Variants in LMF1 observed in about 807,000 individuals in gnomAD.
The protein encoded by LMF1 is transmembrane protein 112.
A neutral mutation model predicts 60.6 loss-of-function variants in LMF1; 68 were observed. The observed-to-expected ratio is 1.12, with a 90% CI of 0.92 to 1.37. The LOEUF (loss-of-function observed/expected upper bound fraction) is 1.37, where lower values mean the gene tolerates loss of function less well. Among genes scored for constraint, LMF1 ranks in the 40% most tolerant of loss-of-function variants. The pLI is 0.00. For missense variants in LMF1, 948 were observed against 767.2 expected (o/e 1.24, Z -2.78); for synonymous variants, 418 against 324.7 (o/e 1.29, Z -3.09).
rs867564360 is a variant in LMF1 at position 857,646 on chromosome 16, A to T, written c.1530-2940T>A. On this transcript the variant is annotated intron_variant, in intron 10 of 10. Transcript: ENST00000262301. ...TCACGGGACGGGTGTGAGTGGTGTC[A>T]CGGGACGGGTGTGAGTGGTGTCACG... is the stretch of plus-strand genomic sequence containing the variant. Among the ~76,000 whole-genome samples, 12 of 5,830 alleles carry T rather than the reference A, an allele frequency of 2.1e-3. 1 individual carries two copies. The highest frequency in any genetic ancestry group is 5.0e-3 in the Admixed American group (2 of 402). The allele number at this position is 5,830 out of a possible 152,430, so 3.8% of individuals were successfully genotyped here.
upstream of LMF1, among the ~76,000 whole-genome samples, chr16:972,378 A>T (rs1297338394): frequency 6.6e-6 from 1 of 152,198 alleles, no homozygotes; most frequent in African/African-American, 2.4e-5. Flanking sequence ...TGTGTGCCTG[A>T]GGGCTCGGAG....
At chr16:916,146 T>C (rs1254469242) in intron 3 of LMF1, among the ~76,000 whole-genome samples, 2 of 152,174 alleles carry the variant, frequency 1.3e-5, no homozygotes, top group African/African-American at 2.4e-5. Context: ...GTCATTGCAA[T>C]GGCCACTGTA....
intron 4 of LMF1, among the ~76,000 whole-genome samples, chr16:905,919 T>C (rs2070962608): frequency 6.6e-6 from 1 of 152,186 alleles, no homozygotes; most frequent in African/African-American, 2.4e-5. Context: ...ATTTTCTTCT[T>C]TTATGGTTAA....
intron 6 of LMF1, among the ~76,000 whole-genome samples, chr16:879,077 G>C (rs988365471): frequency 1.3e-5 from 2 of 152,118 alleles, no homozygotes; most frequent in African/African-American, 4.8e-5. Context: ...GGCAGGACGG[G>C]GCGTTAGGGG....
At chr16:922,743 G>A (rs12932775) in intron 3 of LMF1, among the ~76,000 whole-genome samples, 2 of 128,214 alleles carry the variant, frequency 1.6e-5, no homozygotes, top group African/African-American at 6.6e-5. Flanking sequence ...GTGATGTGGT[G>A]TTGGCGTCGT....
intron 5 of LMF1, among the ~76,000 whole-genome samples, chr16:888,758 G>A (rs968718786): frequency 1.3e-5 from 2 of 152,208 alleles, no homozygotes; most frequent in Non-Finnish European, 2.9e-5. Flanking sequence ...TAGGTACAGG[G>A]GGCAGTGTGT....
intron 2 of LMF1, among the ~76,000 whole-genome samples, chr16:939,588 GC>G (rs746051877): frequency 2.6e-5 from 4 of 151,504 alleles, no homozygotes; most frequent in Non-Finnish European, 5.9e-5. Flanking sequence ...CCGGCGCCAG[GC>G]CTCGACCCTG....
intron 3 of LMF1, 91 bp downstream of exon 3, chr16:934,153 A>G: frequency 6.3e-7 from 1 of 1,594,510 alleles, no homozygotes; most frequent in Non-Finnish European, 8.5e-7. Context: ...AGGCTAAGGA[A>G]GGGGAGAGGC....
intron 10 of LMF1, among the ~76,000 whole-genome samples, chr16:862,304 C>T (rs2069489433): frequency 6.6e-6 from 1 of 151,936 alleles, no homozygotes; most frequent in Non-Finnish European, 1.5e-5. Context: ...CCACCATGCC[C>T]AGCTAATTTT....
chr16:960,120 T>C (rs554175387), intron 1 of LMF1, among the ~76,000 whole-genome samples: 1 of 152,212 alleles, frequency 6.6e-6, no homozygotes, highest in Admixed American at 6.5e-5. Flanking sequence ...TATGCTCCCC[T>C]AAAAAGAACC....
chr16:926,465 C>T lies in LMF1; in HGVS notation c.514+7779G>A, dbSNP rs367588657. Among the ~76,000 whole-genome samples, 10 of 152,132 alleles carry T rather than the reference C, an allele frequency of 6.6e-5. 1 individual carries two copies. Among genetic ancestry groups the T allele is most frequent in the South Asian group, 6.2e-4 (3 of 4,816 alleles). On this transcript the variant is annotated intron_variant, in intron 3 of 10. Transcript: ENST00000262301. ...CGTGTGTTTGCACAGGATCTGCATA[C>T]GTGTGTCTGTGTGTGCGCATGTGCG...
intron 4 of LMF1, among the ~76,000 whole-genome samples, chr16:910,047 G>A (rs1452480590): frequency 6.6e-6 from 1 of 152,214 alleles, no homozygotes; most frequent in Non-Finnish European, 1.5e-5. Flanking sequence ...AAAACATGAA[G>A]ATTTTATCAT....
rs116052289 is a variant in LMF1 at position 946,835 on chromosome 16, G to A, written c.503+7522C>T. Among the ~76,000 whole-genome samples the A allele has an allele frequency of 9.2e-3, 1,407 of 152,308 alleles. 22 individuals are homozygous for A. Among genetic ancestry groups the A allele is most frequent in the African/African-American group, 0.031 (1,276 of 41,558 alleles). ...AGGGCACCCCCTCCTCAGTGTCCAC[G>A]GTGCCAAGCAGGGGCTCAGCAAGTA... is the stretch of plus-strand genomic sequence containing the variant. On this transcript the variant is annotated intron_variant, in intron 2 of 10. Transcript: ENST00000262301.
intron 4 of LMF1, chr16:900,726 TGTG>T (rs1567208350): frequency 0.14 from 19,871 of 138,644 alleles, 1,664 homozygotes; most frequent in African/African-American, 0.23. Context: ...TGTGTGTGTG[TGTG>T]TGTTTTAGTA....
intron 3 of LMF1, among the ~76,000 whole-genome samples, chr16:923,461 A>T (rs1468003213): frequency 6.6e-6 from 1 of 152,144 alleles, no homozygotes; most frequent in African/African-American, 2.4e-5. Context: ...CTTCCCCACT[A>T]AAGCATCAGG....
At chr16:865,700 T>C (rs769166611) in intron 10 of LMF1, among the ~76,000 whole-genome samples, 1 of 152,204 alleles carries the variant, frequency 6.6e-6, no homozygotes, top group Non-Finnish European at 1.5e-5. Context: ...TTTGGGAAGT[T>C]TTCAGTTCTT....
intron 2 of LMF1, among the ~76,000 whole-genome samples, chr16:952,821 C>T (rs370179240): frequency 1.9e-4 from 24 of 127,888 alleles, no homozygotes; most frequent in East Asian, 7.1e-4. Context: ...AGACACCCAC[C>T]CCAAACCAGC....
Position 871,179 on chromosome 16 carries a change from G to C in LMF1, c.1060C>G (p.Arg354Gly). Reference protein sequence around the residue: ...LQMQRDIRGARPEPRFGSVVR... With the variant: ...LQMQRDIRGAGPEPRFGSVVR... ...CACCTACCGAATCTGGGCTCGGGCC[G>C]GGCCCCTCGGATGTCCCTCTGCATC... The change falls in exon 7 of 11, where the codon CGG becomes GGG. Residue 354 changes from arginine to glycine, a missense_variant. Physicochemically the swap from Arg to Gly is moderately radical, Grantham distance 125 (BLOSUM62 -2). Coordinates refer to ENST00000262301, the MANE Select transcript of LMF1 (RefSeq NM_022773.4). The C allele has an allele frequency of 6.2e-7, 1 of 1,603,330 alleles. No individual in the cohort carries two copies. The highest frequency in any genetic ancestry group is 1.1e-5 in the South Asian group (1 of 89,474).
chr16:923,355 C>T (rs1359212970), intron 3 of LMF1, among the ~76,000 whole-genome samples: 1 of 152,130 alleles, frequency 6.6e-6, no homozygotes, highest in African/African-American at 2.4e-5. Context: ...CCTGAACAGC[C>T]ATGTATTTCC....
Sources: gnomAD v4.1 joint callset for allele counts (sites outside exome capture counted in the v4.1 genomes callset) on GRCh38, gnomAD v4.1.1 for gene constraint, MANE v1.5 for transcripts, NCBI Gene and HGNC (gene_info 2026-07-23, HGNC 2026-07-21) for gene names.